The following PGR variants were observed in gnomAD, a reference collection of about 807,000 sequenced individuals.
PGR encodes the protein progesterone receptor.
In PGR, 25 loss-of-function variants were observed where a neutral mutation model predicts 76.1. The ratio of observed to expected loss-of-function variants is 0.33; its 90% CI spans 0.24 to 0.46. The LOEUF is 0.46. Ranked by LOEUF, PGR falls within the 20% of genes least tolerant of loss-of-function variation. The probability of loss-of-function intolerance (pLI) is 1.00; values close to 1 mark genes in which losing one functional copy is unlikely to be tolerated. For missense variants in PGR, 1,172 were observed against 1,225.3 expected (o/e 0.96, Z 0.65); for synonymous variants, 579 against 535.0 (o/e 1.08, Z -1.14).
intron 6 of PGR, among the ~76,000 whole-genome samples, chr11:101,043,111 G>C (rs1859749403): frequency 6.6e-6 from 1 of 152,150 alleles, no homozygotes. Context: ...CTAGCAGTTT[G>C]ATGGCAATTT....
chr11:101,060,291 T>C (rs757219093), intron 4 of PGR, among the ~76,000 whole-genome samples: 1 of 152,224 alleles, frequency 6.6e-6, no homozygotes, highest in Non-Finnish European at 1.5e-5. Context: ...CACAGACTTA[T>C]TAGTTTTATT....
At position 101,051,563 on chromosome 11, in the gene PGR, G is replaced by T; in HGVS notation, c.2218C>A (p.Arg740=). 6.2e-7 allele frequency: 1 copy of T among 1,602,834 alleles called. No individual in the cohort carries two copies. The highest frequency in any genetic ancestry group is 1.1e-5 in the South Asian group (1 of 90,852). ...ATCTGGTCATCAATATGTAAGTTTC[G>T]AAAACCTACAAAACAAATTTAAAAA... ...VKWSKSLPGF[R]NLHIDDQITL... The change falls in exon 5 of 8, where the codon CGA becomes AGA. Residue 740 remains arginine (R), a synonymous_variant. Coordinates refer to ENST00000325455, the MANE Select transcript of PGR (RefSeq NM_000926.4).
intron 5 of PGR, among the ~76,000 whole-genome samples, 170 bp downstream of exon 5, chr11:101,051,254 C>G (rs2068986597): frequency 1.3e-5 from 2 of 152,102 alleles, no homozygotes; most frequent in African/African-American, 4.8e-5. Context: ...TTTGATATAA[C>G]TATATTTTGA....
Position 101,128,722 on chromosome 11 carries a change from T to C in PGR, c.349A>G (p.Thr117Ala). ...DSGLLDSVLD[T>A]LLAPSGPGQS... The stretch of plus-strand genomic sequence containing the variant: ...CCGGGACCTGAGGGCGCCAACAGAG[T>C]GTCCAAGACACTGTCCAGCAGTCCG... Residue 117 changes from threonine to alanine, a missense_variant, in exon 1 of 8, where the codon ACT (threonine) becomes GCT (alanine). Physicochemically the swap from Thr to Ala is moderately conservative, Grantham distance 58. Coordinates refer to ENST00000325455, the MANE Select transcript of PGR (RefSeq NM_000926.4). The C allele has an allele frequency of 6.2e-7, 1 of 1,611,512 alleles. No homozygotes were observed.
chr11:101,127,877 C>A lies in PGR; in HGVS notation c.1194G>T (p.Ala398=), dbSNP rs573336671. ...CCACAAGGTAGGAACGCGGGGAGCG[C>A]GCGGAGGCCTCCGCGCCTTCCTCCT... ...KEEEEGAEAS[A]RSPRSYLVAG... is the part of the protein sequence containing the mutation. Residue 398 remains alanine, a synonymous_variant, in exon 1 of 8, where the codon GCG becomes GCT. Transcript: ENST00000325455. 42 of 1,603,224 alleles carry A rather than the reference C, an allele frequency of 2.6e-5. No individual in the cohort carries two copies. Among genetic ancestry groups the A allele is most frequent in the Non-Finnish European group, 2.5e-6 (3 of 1,178,104 alleles).
chr11:101,115,515 T>G lies in PGR; in HGVS notation c.1789+10492A>C, dbSNP rs901640058. Among the ~76,000 whole-genome samples, 4 of 152,184 alleles carry G rather than the reference T, an allele frequency of 2.6e-5. 1 individual carries two copies. The highest frequency in any genetic ancestry group is 9.6e-5 in the African/African-American group (4 of 41,462). ...GGCTGGGCGCTGTTGCTCACGCCTG[T>G]AATCCCAGCACTTTGGGATGCCAAG... On this transcript the variant is annotated intron_variant, in intron 2 of 7. Coordinates refer to ENST00000325455, the MANE Select transcript of PGR (RefSeq NM_000926.4).
intron 2 of PGR, among the ~76,000 whole-genome samples, chr11:101,102,030 A>T (rs1754786857): frequency 6.6e-6 from 1 of 152,174 alleles, no homozygotes; most frequent in African/African-American, 2.4e-5. Flanking sequence ...AAATCAGACA[A>T]AGCCAGATTA....
intron 3 of PGR, among the ~76,000 whole-genome samples, chr11:101,071,983 C>T (rs555383211): frequency 1.8e-4 from 28 of 152,198 alleles, no homozygotes; most frequent in Admixed American, 1.2e-3. Context: ...GAGAACACCA[C>T]AAAGATACTC....
intron 2 of PGR, among the ~76,000 whole-genome samples, chr11:101,118,056 T>C (rs1475299566): frequency 6.6e-6 from 1 of 152,212 alleles, no homozygotes; most frequent in East Asian, 1.9e-4. Context: ...AAATTTGCAG[T>C]GTTGTCTGTT....
intron 2 of PGR, among the ~76,000 whole-genome samples, chr11:101,115,916 T>C (rs1359951923): frequency 2.0e-5 from 3 of 152,208 alleles, no homozygotes; most frequent in Admixed American, 6.5e-5. Context: ...CTGAAATGTA[T>C]TGGGCCAATT....
rs1273902193 is a variant in PGR, at chr11:101,078,513, GAAGCAGA to G, written c.1906+13240_1906+13246del. 3.3e-5 allele frequency among the ~76,000 whole-genome samples: 5 copies of G among 152,274 alleles called. No homozygotes were observed. In the East Asian group the frequency reaches 9.6e-4, roughly 29 times the overall value. ...AATGTTTTCTAGAAGAAAGAAGATG[GAAGCAGA>G]ACACCTAAAGTAGAAGATATATTAT... On this transcript the variant is annotated intron_variant, in intron 3 of 7. Transcript: ENST00000325455.
At position 101,128,600 on chromosome 11, in the gene PGR, G is replaced by A; in HGVS notation, c.471C>T (p.Thr157=). Residue 157 remains threonine (T), a synonymous_variant, in exon 1 of 8, where the codon ACC becomes ACT. Transcript: ENST00000325455. The part of the protein sequence containing the change: ...LPEDPPAAPA[T]QRVLSPLMSR... ...TCATGAGCGGGGACAACACCCGCTG[G>A]GTGGCGGGGGCAGCCGGTGGATCTT... 2 of 1,592,478 alleles carry A rather than the reference G, an allele frequency of 1.3e-6. No homozygotes were observed. The highest frequency in any genetic ancestry group is 1.7e-6 in the Non-Finnish European group (2 of 1,171,980).
At chr11:101,059,388 A>C (rs952884494) in intron 4 of PGR, among the ~76,000 whole-genome samples, 3 of 152,082 alleles carry the variant, frequency 2.0e-5, no homozygotes, top group Non-Finnish European at 4.4e-5. Flanking sequence ...AAAAAAATTC[A>C]AATATCGTGT....
In PGR at chr11:101,034,634, T is replaced by C. The variant is rs891117415; in HGVS notation, c.*4482A>G. ...TAGGCCGAACTTTAGAAGTGTAGGT[T>C]CTATTAGCTCCAGCTAACTGATGGT... On this transcript the variant is annotated 3_prime_UTR_variant, in exon 8 of 8. Transcript: ENST00000325455. 1 of 171,430 alleles carries C rather than the reference T, an allele frequency of 5.8e-6. No homozygotes were observed. Among genetic ancestry groups the C allele is most frequent in the African/African-American group, 2.4e-5 (1 of 42,030 alleles). 10.6% of individuals were successfully genotyped at this position (171,430 alleles called of 1,614,324 possible). A position where few individuals can be genotyped will look rare whatever the true frequency, so the allele number is the denominator to read the frequency against.
In PGR at chr11:101,127,748, G is replaced by A. The variant is rs61733409; in HGVS notation, c.1323C>T (p.Ala441=). 9 of 1,554,648 alleles carry A rather than the reference G, an allele frequency of 5.8e-6. No homozygotes were observed. The highest frequency in any genetic ancestry group is 7.8e-6 in the Non-Finnish European group (9 of 1,156,916). Residue 441 remains alanine (A), a synonymous_variant, in exon 1 of 8, where the codon GCC becomes GCT. Coordinates refer to ENST00000325455, the MANE Select transcript of PGR (RefSeq NM_000926.4). The part of the protein sequence containing the change: ...PSRPGEAAVT[A]APASASVSSA... ...ACGAGACTGAGGCACTGGCGGGTGC[G>A]GCCGTCACCGCCGCTTCCCCGGGTC...
At chr11:101,071,369 A>T (rs1026882313) in intron 3 of PGR, among the ~76,000 whole-genome samples, 1 of 152,162 alleles carries the variant, frequency 6.6e-6, no homozygotes, top group African/African-American at 2.4e-5. Context: ...AAGATGAGGA[A>T]AAACCAGTGC....
At chr11:101,066,523 T>C (rs1390271929) in intron 3 of PGR, among the ~76,000 whole-genome samples, 3 of 152,176 alleles carry the variant, frequency 2.0e-5, no homozygotes, top group Non-Finnish European at 4.4e-5. Context: ...ATCTAGACAT[T>C]AATGATTACC....
In PGR at chr11:101,042,014, C is replaced by T. The variant is rs770316474; in HGVS notation, c.2577G>A (p.Arg859=). 2.9e-5 allele frequency: 46 copies of T among 1,613,520 alleles called. No individual in the cohort carries two copies. The highest frequency in any genetic ancestry group is 3.6e-5 in the Non-Finnish European group (43 of 1,179,660). ...GTGAGCTCGACACAACTCCTTTTTGCCTCAAACCAATTGCCTTGATGAGCT... is the reference window on the plus strand; with the variant it reads ...GTGAGCTCGACACAACTCCTTTTTGTCTCAAACCAATTGCCTTGATGAGCT... ...IRELIKAIGL[R]QKGVVSSSQR... is the part of the protein sequence containing the mutation. The change falls in exon 7 of 8, where the codon AGG becomes AGA. Residue 859 remains arginine (R), a synonymous_variant. Coordinates refer to ENST00000325455, the MANE Select transcript of PGR (RefSeq NM_000926.4).
intron 2 of PGR, among the ~76,000 whole-genome samples, chr11:101,096,739 G>A (rs1455136530): frequency 2.0e-5 from 3 of 152,174 alleles, no homozygotes; most frequent in Non-Finnish European, 1.5e-5. Context: ...CTGGTTTTGA[G>A]AAACACATCC....
Sources: gnomAD v4.1 joint callset for allele counts (sites outside exome capture counted in the v4.1 genomes callset) on GRCh38, gnomAD v4.1.1 for gene constraint, MANE v1.5 for transcripts, NCBI Gene and HGNC (gene_info 2026-07-23, HGNC 2026-07-21) for gene names.